Variants in PDE3B observed in about 807,000 individuals in gnomAD.
PDE3B encodes cGMP-inhibited 3',5'-cyclic phosphodiesterase 3B.
A neutral mutation model predicts 116.8 loss-of-function variants in PDE3B; 66 were observed. That is an observed-to-expected ratio of 0.56 (90% CI 0.46 to 0.69). The LOEUF (loss-of-function observed/expected upper bound fraction) is 0.69, where lower values mean the gene tolerates loss of function less well. Ranked by LOEUF, PDE3B falls within the 30% of genes least tolerant of loss-of-function variation. The pLI is 0.00. For missense variants in PDE3B, 1,384 were observed against 1,368.1 expected (o/e 1.01, Z -0.18); for synonymous variants, 595 against 533.6 (o/e 1.12, Z -1.59).
At chr11:14,844,582 T>A (rs1847549403) in intron 12 of PDE3B, among the ~76,000 whole-genome samples, 1 of 152,236 alleles carries the variant, frequency 6.6e-6, no homozygotes, top group Middle Eastern at 3.4e-3. Flanking sequence ...CCTTTCCTAG[T>A]CAAAGAAAGG....
chr11:14,882,753 G>A, the PDE3B span, among the ~76,000 whole-genome samples: 3 of 152,346 alleles, frequency 2.0e-5, no homozygotes, highest in Admixed American at 6.5e-5. Flanking sequence ...GTCTCTGTTT[G>A]CAGATGACAT....
At chr11:14,856,284 A>G (rs1847849107) in intron 12 of PDE3B, among the ~76,000 whole-genome samples, 1 of 152,190 alleles carries the variant, frequency 6.6e-6, no homozygotes, top group Non-Finnish European at 1.5e-5. Context: ...ACTGTGATTC[A>G]ATTAAACCTC....
chr11:14,878,008 A>C, the PDE3B span: 198 of 1,098,486 alleles, frequency 1.8e-4, 1 homozygote, highest in African/African-American at 2.8e-3. Context: ...ATCTGTGTTC[A>C]TTTGGCTTTT....
At chr11:14,837,960 ATT>A (rs957377023) in intron 11 of PDE3B, among the ~76,000 whole-genome samples, 1 of 149,220 alleles carries the variant, frequency 6.7e-6, no homozygotes, top group Non-Finnish European at 1.5e-5. Flanking sequence ...AGAAACCCTT[ATT>A]TTTTTTTTAA....
chr11:14,849,096 G>T (rs1033724483), intron 12 of PDE3B, among the ~76,000 whole-genome samples: 2 of 151,974 alleles, frequency 1.3e-5, no homozygotes, highest in Non-Finnish European at 2.9e-5. Flanking sequence ...ATACTACAAG[G>T]CTACACTAAC....
In PDE3B at chr11:14,716,519, T is replaced by C. The variant is rs796239390; in HGVS notation, c.979-55418T>C. On this transcript the variant is annotated intron_variant, in intron 1 of 15. Coordinates refer to ENST00000282096, the MANE Select transcript of PDE3B (RefSeq NM_000922.4). ...GAACCTCTGCAGACTTAAATGTCCC[T>C]GTCTGACAGCTTTGAAGAGAGCAGT... Among the ~76,000 whole-genome samples the C allele has an allele frequency of 2.5e-3, 368 of 148,232 alleles. 7 individuals are homozygous for C. The South Asian group carries it at 0.045, about 18-fold the overall frequency.
At chr11:14,752,827 T>C (rs1857089044) in intron 1 of PDE3B, among the ~76,000 whole-genome samples, 1 of 152,130 alleles carries the variant, frequency 6.6e-6, no homozygotes, top group African/African-American at 2.4e-5. Context: ...CCATTCTTAA[T>C]CTTTTTTCTT....
Position 14,871,658 on chromosome 11 carries a change from T to C in PDE3B, c.*1998T>C, listed in dbSNP as rs1268928883. On this transcript the variant is annotated 3_prime_UTR_variant, in exon 16 of 16. Transcript: ENST00000282096. ...TTATTGGATTTAATTATAAATCCAA[T>C]TACTACTGGAAACTCATTTTTACAT... The C allele has an allele frequency of 6.6e-6, 1 of 152,156 alleles. No homozygotes were observed. Among genetic ancestry groups the C allele is most frequent in the Non-Finnish European group, 1.5e-5 (1 of 68,012 alleles). The allele number at this position is 152,156 out of a possible 1,614,324, so 9.4% of individuals were successfully genotyped here. A position where few individuals can be genotyped will look rare whatever the true frequency, so the allele number is the denominator to read the frequency against.
the PDE3B span, chr11:14,880,367 G>A: frequency 6.2e-7 from 1 of 1,613,396 alleles, no homozygotes; most frequent in African/African-American, 1.3e-5. Flanking sequence ...AGTCTGGAGA[G>A]AAAATCATAG....
chr11:14,888,289 A>G, the PDE3B span, among the ~76,000 whole-genome samples: 3 of 152,344 alleles, frequency 2.0e-5, no homozygotes, highest in Admixed American at 1.3e-4. Flanking sequence ...GGTCACTGCT[A>G]TATCTCTAGC....
In PDE3B at chr11:14,645,012, A is replaced by C. The variant is rs375155380; in HGVS notation, c.937A>C (p.Ile313Leu). ...TAASYYGSCK[I>L]FRRPSLPCIS... The stretch of plus-strand genomic sequence containing the variant: ...AGCCAGTTACTATGGCAGTTGCAAA[A>C]TATTCAGGAGACCGTCGTTGCCTTG... The change falls in exon 1 of 16, where the codon ATA (isoleucine) becomes CTA (leucine). Residue 313 changes from isoleucine to leucine, a missense_variant. By Grantham distance (5) the Ile-to-Leu change is conservative. Coordinates refer to ENST00000282096, the MANE Select transcript of PDE3B (RefSeq NM_000922.4). The C allele has an allele frequency of 6.2e-7, 1 of 1,613,108 alleles. No homozygotes were observed. Among genetic ancestry groups the C allele is most frequent in the Non-Finnish European group, 8.5e-7 (1 of 1,179,806 alleles).
chr11:14,872,376 C>T (rs1250754697), downstream of PDE3B, among the ~76,000 whole-genome samples: 2 of 152,112 alleles, frequency 1.3e-5, no homozygotes, highest in African/African-American at 4.8e-5. Flanking sequence ...AAAGACTTAG[C>T]TCAGAAATGA....
intron 1 of PDE3B, chr11:14,674,274 TG>T: frequency 8.9e-7 from 1 of 1,123,488 alleles, no homozygotes; most frequent in Non-Finnish European, 1.4e-6. Context: ...TCTTCTTTCC[TG>T]GGGCAGCCCC....
chr11:14,666,877 A>G (rs1341129270), intron 1 of PDE3B, among the ~76,000 whole-genome samples: 29 of 152,288 alleles, frequency 1.9e-4, no homozygotes, highest in South Asian at 2.1e-4. Flanking sequence ...ACAGTGTGGC[A>G]ATTCCTCAGG....
intron 1 of PDE3B, among the ~76,000 whole-genome samples, chr11:14,690,531 G>A (rs539177629): frequency 6.8e-4 from 103 of 151,690 alleles, no homozygotes; most frequent in African/African-American, 2.2e-3. Flanking sequence ...GGATTCTTGT[G>A]ATGTTTATGA....
intron 11 of PDE3B, among the ~76,000 whole-genome samples, chr11:14,840,853 T>C (rs1860198315): frequency 6.6e-6 from 1 of 152,190 alleles, no homozygotes; most frequent in South Asian, 2.1e-4. Flanking sequence ...AGGAAAAATA[T>C]TTTAAAATTG....
At chr11:14,891,961 G>T in the PDE3B span, 2 of 1,609,656 alleles carry the variant, frequency 1.2e-6, no homozygotes, top group South Asian at 2.2e-5. Context: ...CTCCCTGCCC[G>T]GGGCCCGTCG....
intron 1 of PDE3B, among the ~76,000 whole-genome samples, chr11:14,746,314 G>C (rs924002944): frequency 2.0e-5 from 3 of 152,164 alleles, no homozygotes; most frequent in Admixed American, 6.5e-5. Flanking sequence ...GAACCCAGGA[G>C]GCGGAGGTTG....
chr11:14,702,810 A>T (rs1015701180), intron 1 of PDE3B, among the ~76,000 whole-genome samples: 3 of 151,872 alleles, frequency 2.0e-5, no homozygotes, highest in Non-Finnish European at 4.4e-5. Flanking sequence ...GGTTTATAAC[A>T]TACCTTAGAA....
Sources: allele counts gnomAD v4.1 joint callset (sites outside exome capture counted in the v4.1 genomes callset), GRCh38; gene constraint gnomAD v4.1.1; transcripts MANE v1.5; gene names NCBI Gene and HGNC (gene_info 2026-07-23, HGNC 2026-07-21).